CNBD1: variants seen among roughly 807,000 people sequenced by gnomAD.
The protein encoded by CNBD1 is cyclic nucleotide binding domain containing 1, also known as cyclic nucleotide-binding domain-containing protein 1.
Under a neutral mutation model 54.4 loss-of-function variants are expected in CNBD1, and 71 were observed. The observed-to-expected ratio is 1.30, with a 90% CI of 1.08 to 1.59. CNBD1 has a LOEUF of 1.59. CNBD1 is among the 40% of genes most tolerant of loss of function. The pLI is 0.00. For missense variants in CNBD1, 659 were observed against 518.0 expected, an observed-to-expected ratio of 1.27 and a Z score of -2.64; for synonymous variants, 182 against 170.7, an observed-to-expected ratio of 1.07 and a Z score of -0.51.
At chr8:86,971,139 T>C (rs947898396) in intron 4 of CNBD1, among the ~76,000 whole-genome samples, 1 of 152,182 alleles carries the variant, frequency 6.6e-6, no homozygotes, top group Non-Finnish European at 1.5e-5. Flanking sequence ...GGGCAACTTA[T>C]AAAGAAAATA....
intron 8 of CNBD1, among the ~76,000 whole-genome samples, chr8:87,304,552 G>T (rs947193748): frequency 1.3e-5 from 2 of 151,806 alleles, no homozygotes; most frequent in Admixed American, 6.6e-5. Context: ...TGAGTTAATG[G>T]GTGCAGCACA....
chr8:87,104,010 A>G (rs895819223), intron 4 of CNBD1, among the ~76,000 whole-genome samples: 1 of 152,182 alleles, frequency 6.6e-6, no homozygotes, highest in African/African-American at 2.4e-5. Flanking sequence ...GATGAGACAT[A>G]CTATAGGCCC....
At chr8:87,412,497 AC>A (rs1244138542) in intron 2 of CNBD1, among the ~76,000 whole-genome samples, 1 of 152,048 alleles carries the variant, frequency 6.6e-6, no homozygotes. Flanking sequence ...AAAGACACTC[AC>A]CCACATGGTC....
intron 6 of CNBD1, among the ~76,000 whole-genome samples, chr8:87,242,156 A>G (rs1259207647): frequency 6.6e-6 from 1 of 152,220 alleles, no homozygotes; most frequent in East Asian, 1.9e-4. Flanking sequence ...CCAACATGAC[A>G]GATGGCAGGC....
chr8:87,423,113 C>T (rs1472868578), intron 2 of CNBD1, among the ~76,000 whole-genome samples: 4 of 152,050 alleles, frequency 2.6e-5, no homozygotes, highest in South Asian at 2.1e-4. Context: ...GTGATTTTTG[C>T]ACATTGATTT....
intron 4 of CNBD1, among the ~76,000 whole-genome samples, chr8:87,070,083 AATT>A (rs1810729968): frequency 6.6e-6 from 1 of 152,064 alleles, no homozygotes; most frequent in Non-Finnish European, 1.5e-5. Context: ...AGGTTTAATA[AATT>A]AGTGGGTATC....
intron 4 of CNBD1, among the ~76,000 whole-genome samples, chr8:87,046,052 A>C (rs1422256025): frequency 2.6e-5 from 4 of 151,000 alleles, no homozygotes; most frequent in African/African-American, 9.7e-5. Context: ...TAAAAAAAAA[A>C]AAAAAAAAAA....
At chr8:87,342,278 GAAAAA>G (rs59161814) in intron 8 of CNBD1, among the ~76,000 whole-genome samples, 1 of 138,476 alleles carries the variant, frequency 7.2e-6, no homozygotes, top group Non-Finnish European at 1.6e-5. Context: ...ATCTCAAAAA[GAAAAA>G]AAAAAAAAAG....
At chr8:87,303,627 A>G (rs1809072073) in intron 8 of CNBD1, among the ~76,000 whole-genome samples, 1 of 147,846 alleles carries the variant, frequency 6.8e-6, no homozygotes, top group Admixed American at 6.6e-5. Flanking sequence ...AAAAGCCAAA[A>G]TTGACAAATG....
intron 6 of CNBD1, among the ~76,000 whole-genome samples, chr8:87,268,833 T>C (rs933732278): frequency 6.6e-6 from 1 of 152,082 alleles, no homozygotes; most frequent in Non-Finnish European, 1.5e-5. Flanking sequence ...ATCTTTGTCA[T>C]ATGCATAGCT....
chr8:87,188,453 G>A (rs1301163032), intron 4 of CNBD1, among the ~76,000 whole-genome samples: 1 of 152,084 alleles, frequency 6.6e-6, no homozygotes, highest in Admixed American at 6.6e-5. Flanking sequence ...AAGGAGGCTC[G>A]GTGCGGTGGT....
chr8:87,354,995 A>G (rs1289433453), intron 10 of CNBD1, among the ~76,000 whole-genome samples: 1 of 152,168 alleles, frequency 6.6e-6, no homozygotes, highest in Non-Finnish European at 1.5e-5. Context: ...CACCAGTTAA[A>G]ATGGCGATCA....
At chr8:86,894,086 G>T (rs796875752) in intron 2 of CNBD1, among the ~76,000 whole-genome samples, 6 of 88,256 alleles carry the variant, frequency 6.8e-5, no homozygotes, top group African/African-American at 2.5e-4. Context: ...ACGGAGTCTC[G>T]CTCTGTCGCC....
At chr8:86,926,770 A>T (rs1235463495) in intron 3 of CNBD1, among the ~76,000 whole-genome samples, 1 of 152,198 alleles carries the variant, frequency 6.6e-6, no homozygotes, top group Non-Finnish European at 1.5e-5. Context: ...ATTGCAGAGT[A>T]AGGACAGACC....
At chr8:87,183,382 TTTG>T (rs1474572987) in intron 4 of CNBD1, among the ~76,000 whole-genome samples, 2 of 76,522 alleles carry the variant, frequency 2.6e-5, no homozygotes, top group Non-Finnish European at 2.7e-5. Context: ...TTTTGCGCTG[TTTG>T]TTTTTTTTTT....
chr8:87,015,656 GA>G (rs1289074884), intron 4 of CNBD1, among the ~76,000 whole-genome samples: 3 of 150,134 alleles, frequency 2.0e-5, no homozygotes, highest in African/African-American at 5.0e-5. Context: ...TAATCTAAGG[GA>G]AAAAAATTGT....
chr8:87,369,561 T>G (rs1406663678), intron 10 of CNBD1, among the ~76,000 whole-genome samples: 1 of 151,982 alleles, frequency 6.6e-6, no homozygotes, highest in Non-Finnish European at 1.5e-5. Context: ...GTTTGAAGAT[T>G]AGTTTTGTTA....
intron 4 of CNBD1, among the ~76,000 whole-genome samples, chr8:87,075,333 T>C (rs1448461479): frequency 6.6e-6 from 1 of 152,186 alleles, no homozygotes; most frequent in Non-Finnish European, 1.5e-5. Flanking sequence ...ATAGATAGTT[T>C]TTTTCTAAAC....
intron 1 of CNBD1, among the ~76,000 whole-genome samples, chr8:86,874,585 TATTAA>T (rs1156493079): frequency 7.2e-5 from 11 of 152,288 alleles, no homozygotes; most frequent in African/African-American, 1.2e-4. Context: ...TCTCATGAAA[TATTAA>T]ATTAAATACA....
Sources: gnomAD v4.1 joint callset for allele counts (sites outside exome capture counted in the v4.1 genomes callset) on GRCh38, gnomAD v4.1.1 for gene constraint, MANE v1.5 for transcripts, NCBI Gene and HGNC (gene_info 2026-07-23, HGNC 2026-07-21) for gene names.